TTC1: variants seen among roughly 807,000 people sequenced by gnomAD.
The protein encoded by TTC1 is tetratricopeptide repeat domain 1.
TTC1 carries 31 observed loss-of-function variants against 37.6 expected under a neutral mutation model. That is an observed-to-expected ratio of 0.82 (90% confidence interval 0.62 to 1.11). The LOEUF (loss-of-function observed/expected upper bound fraction) is 1.11. Among genes scored for constraint, TTC1 ranks in the 50% most tolerant of loss-of-function variants. TTC1 has a pLI of 0.00. For missense variants in TTC1, 351 were observed against 339.0 expected (o/e 1.04, Z -0.28); for synonymous variants, 127 against 122.4 (o/e 1.04, Z -0.25).
In TTC1 at chr5:160,038,704, C is replaced by T. The variant is rs369556089; in HGVS notation, c.504+1901C>T. Among the ~76,000 whole-genome samples the T allele has an allele frequency of 9.4e-5, 14 of 149,012 alleles. 1 individual carries two copies. Among genetic ancestry groups the T allele is most frequent in the African/African-American group, 3.5e-4 (14 of 40,414 alleles). ...TTGAGACGGAGTCTCACTCTGTCAC[C>T]TAGGCTGGAGTGCAGTGGTGTGATC... On this transcript the variant is annotated intron_variant, in intron 4 of 7. Transcript: ENST00000231238.
chr5:160,036,004 A>G (rs898922363), intron 3 of TTC1, among the ~76,000 whole-genome samples: 1 of 148,496 alleles, frequency 6.7e-6, no homozygotes, highest in African/African-American at 2.5e-5. Context: ...ACTGTTTTCT[A>G]ATAGAATAAA....
intron 2 of TTC1, among the ~76,000 whole-genome samples, chr5:160,030,395 G>A (rs1330992039): frequency 6.6e-6 from 1 of 152,230 alleles, no homozygotes; most frequent in Non-Finnish European, 1.5e-5. Context: ...GAAGCTTGAT[G>A]TAGTGTGAAC....
intron 7 of TTC1, among the ~76,000 whole-genome samples, chr5:160,058,930 C>G (rs1024770365): frequency 1.3e-5 from 2 of 152,128 alleles, no homozygotes; most frequent in Non-Finnish European, 2.9e-5. Context: ...GCTTAAAATG[C>G]TCAGTAAATT....
At chr5:160,015,500 C>T (rs1362369472) in intron 2 of TTC1, among the ~76,000 whole-genome samples, 1 of 152,144 alleles carries the variant, frequency 6.6e-6, no homozygotes, top group Non-Finnish European at 1.5e-5. Context: ...AGCTGCTGCG[C>T]CTGGCCTATA....
chr5:160,045,455 CACACACACACACACA>C (rs1757192870), intron 5 of TTC1, among the ~76,000 whole-genome samples: 1 of 7,756 alleles, frequency 1.3e-4, no homozygotes, highest in Non-Finnish European at 2.4e-4. Flanking sequence ...CCCCACCCTC[CACACACACACACACA>C]CACACACACA....
At chr5:160,014,168 G>C (rs1756556395) in intron 2 of TTC1, among the ~76,000 whole-genome samples, 1 of 151,768 alleles carries the variant, frequency 6.6e-6, no homozygotes, top group South Asian at 2.1e-4. Context: ...GACCAGCCTG[G>C]CCAACATAGT....
intron 7 of TTC1, among the ~76,000 whole-genome samples, chr5:160,062,807 GT>G (rs3832347): frequency 0.049 from 7,376 of 149,940 alleles, 200 homozygotes; most frequent in East Asian, 0.1. Flanking sequence ...GCTTTTGATG[GT>G]TTTTTTTTTC....
chr5:160,031,378 A>G (rs541775635), intron 2 of TTC1, among the ~76,000 whole-genome samples: 20 of 152,074 alleles, frequency 1.3e-4, no homozygotes, highest in Admixed American at 2.6e-4. Flanking sequence ...TTGGGAGGCC[A>G]AGGCAGGTGA....
At chr5:160,035,906 T>C (rs912196964) in intron 3 of TTC1, among the ~76,000 whole-genome samples, 3 of 152,008 alleles carry the variant, frequency 2.0e-5, no homozygotes, top group African/African-American at 4.8e-5. Context: ...ATTTTTTTCT[T>C]ATTGTTTTCC....
At chr5:160,034,126 C>CT (rs978923159) in intron 2 of TTC1, among the ~76,000 whole-genome samples, 2,326 of 114,532 alleles carry the variant, frequency 0.02, 29 homozygotes, top group African/African-American at 0.026. Flanking sequence ...GACCCTATCT[C>CT]TTTTTTTTTT....
chr5:160,053,556 C>A (rs967663316), intron 7 of TTC1, among the ~76,000 whole-genome samples: 1 of 151,890 alleles, frequency 6.6e-6, no homozygotes, highest in Non-Finnish European at 1.5e-5. Context: ...AGAGTGAGAC[C>A]TTGTCTTTAA....
intron 7 of TTC1, among the ~76,000 whole-genome samples, chr5:160,058,318 A>C (rs1012839256): frequency 2.0e-5 from 3 of 151,876 alleles, no homozygotes; most frequent in African/African-American, 7.3e-5. Context: ...CCTCAAAGTC[A>C]TCCATGAGGG....
intron 3 of TTC1, among the ~76,000 whole-genome samples, chr5:160,036,256 A>G (rs1011433479): frequency 3.3e-5 from 5 of 152,238 alleles, no homozygotes; most frequent in Non-Finnish European, 7.3e-5. Context: ...TGAAAGCACA[A>G]CAGATTTAAT....
At chr5:160,023,224 C>T (rs1233370984) in intron 2 of TTC1, among the ~76,000 whole-genome samples, 7 of 150,630 alleles carry the variant, frequency 4.6e-5, no homozygotes, top group Admixed American at 6.6e-5. Context: ...TCACTGCACT[C>T]CAGCCTGGGC....
At chr5:160,056,693 A>G (rs1029078380) in intron 7 of TTC1, among the ~76,000 whole-genome samples, 1 of 152,238 alleles carries the variant, frequency 6.6e-6, no homozygotes, top group Non-Finnish European at 1.5e-5. Flanking sequence ...ACTTCATGCC[A>G]GTCTGGGCAA....
chr5:160,031,322 T>C (rs1756904353), intron 2 of TTC1, among the ~76,000 whole-genome samples: 1 of 152,118 alleles, frequency 6.6e-6, no homozygotes, highest in Admixed American at 6.6e-5. Context: ...ATAGGATGCC[T>C]CACTTAGAAT....
chr5:160,039,651 G>GAAGAAT (rs1293684069), intron 4 of TTC1, among the ~76,000 whole-genome samples: 54 of 152,048 alleles, frequency 3.6e-4, no homozygotes, highest in Admixed American at 2.0e-3. Context: ...TCACTTCTAG[G>GAAGAAT]CACACAAAGA....
intron 2 of TTC1, among the ~76,000 whole-genome samples, chr5:160,026,908 T>C (rs1433133065): frequency 6.6e-6 from 1 of 152,224 alleles, no homozygotes; most frequent in Non-Finnish European, 1.5e-5. Flanking sequence ...TGCATGCTAT[T>C]TTAATACTTT....
At chr5:160,022,607 A>G (rs1756730903) in intron 2 of TTC1, among the ~76,000 whole-genome samples, 1 of 152,194 alleles carries the variant, frequency 6.6e-6, no homozygotes, top group Non-Finnish European at 1.5e-5. Flanking sequence ...TTAAGCAGAT[A>G]GGGGTACTAT....
Sources: gnomAD v4.1 joint callset for allele counts (sites outside exome capture counted in the v4.1 genomes callset) on GRCh38, gnomAD v4.1.1 for gene constraint, MANE v1.5 for transcripts, NCBI Gene and HGNC (gene_info 2026-07-23, HGNC 2026-07-21) for gene names.